The following CNTFR variants were observed in gnomAD, a reference collection of about 807,000 sequenced individuals.
The protein encoded by CNTFR is ciliary neurotrophic factor receptor subunit alpha.
Under a neutral mutation model 40.4 loss-of-function variants are expected in CNTFR, and 12 were observed. That is an observed-to-expected ratio of 0.30 (90% CI 0.19 to 0.48). The LOEUF (loss-of-function observed/expected upper bound fraction) is 0.48, where lower values mean the gene tolerates loss of function less well. Among genes scored for constraint, CNTFR ranks in the 20% least tolerant of loss-of-function variants. The probability of loss-of-function intolerance (pLI) is 0.99; values close to 1 mark genes in which losing one functional copy is unlikely to be tolerated. For synonymous variants in CNTFR, 202 were observed against 209.6 expected (o/e 0.96, Z 0.31); for missense variants, 414 against 506.8 (o/e 0.82, Z 1.76).
At chr9:34,570,443 G>A (rs1357337002) in intron 2 of CNTFR, among the ~76,000 whole-genome samples, 1 of 152,190 alleles carries the variant, frequency 6.6e-6, no homozygotes, top group African/African-American at 2.4e-5. Context: ...AGCCGTCGGC[G>A]ACAAAGCCAG....
chr9:34,568,475 C>T (rs563667038), intron 3 of CNTFR, among the ~76,000 whole-genome samples: 41 of 152,316 alleles, frequency 2.7e-4, no homozygotes, highest in African/African-American at 7.7e-4. Flanking sequence ...TCTCTGTCCC[C>T]ATCCTCCGTC....
Position 34,556,364 on chromosome 9 carries a change from C to T in CNTFR, c.659G>A (p.Arg220His), listed in dbSNP as rs1384961562. 8 of 1,613,838 alleles carry T rather than the reference C, an allele frequency of 5.0e-6. No homozygotes were observed. The Admixed American group carries it at 5.0e-5, about 10-fold the overall frequency. Residue 220 changes from arginine to histidine, a missense_variant, in exon 7 of 10, where the codon CGC becomes CAC. Arg to His is a conservative substitution (Grantham distance 29). Around this residue, in one of 3 missense-constraint regions of CNTFR, gnomAD observed 83 missense variants for 145.0 expected, o/e 0.57. Coordinates refer to ENST00000378980, the MANE Select transcript of CNTFR (RefSeq NM_147164.3). ...VVARPVPSNP[R>H]RLEVTWQTPS... ...GGTCTGCCACGTCACCTCCAGCCGG[C>T]GAGGGTTGCTGGGCACTGGCCGGGC...
Position 34,564,646 on chromosome 9 carries a change from T to C in CNTFR, c.272A>G (p.His91Arg). 6.2e-7 allele frequency: 1 copy of C among 1,612,594 alleles called. No homozygotes were observed. The highest frequency in any genetic ancestry group is 8.5e-7 in the Non-Finnish European group (1 of 1,179,600). Residue 91 changes from histidine to arginine, a missense_variant, in exon 4 of 10, where the codon CAC (histidine) becomes CGC (arginine). By Grantham distance (29) the His-to-Arg change is conservative. Around this residue, in one of 3 missense-constraint regions of CNTFR, gnomAD observed 250 missense variants for 269.5 expected, o/e 0.93. Transcript: ENST00000378980. ...GTGGCGCAGGTGCCAGGAGTCACGG[T>C]GGAAGCAGGCGTAGAGGCCACTGTG... ...LGHSGLYACF[H>R]RDSWHLRHQV...
intron 1 of CNTFR, among the ~76,000 whole-genome samples, chr9:34,585,499 G>A (rs1163152288): frequency 6.6e-6 from 1 of 152,158 alleles, no homozygotes. Context: ...CAGCCACAGG[G>A]TCTAACTCTT....
intron 2 of CNTFR, among the ~76,000 whole-genome samples, chr9:34,579,352 G>C (rs939553955): frequency 6.6e-6 from 1 of 152,046 alleles, no homozygotes; most frequent in Non-Finnish European, 1.5e-5. Flanking sequence ...ACGCTTTTCT[G>C]ACTTGGCAGC....
intron 4 of CNTFR, among the ~76,000 whole-genome samples, chr9:34,563,217 T>G (rs1402391171): frequency 6.6e-6 from 1 of 152,244 alleles, no homozygotes; most frequent in Non-Finnish European, 1.5e-5. Flanking sequence ...TTGCCCATAC[T>G]ATTAATACTT....
rs1355735832 is a variant in CNTFR, at chr9:34,557,229, G to A, written c.604+297C>T. 6.6e-6 allele frequency among the ~76,000 whole-genome samples: 1 copy of A among 152,118 alleles called. No individual in the cohort carries two copies. Among genetic ancestry groups the A allele is most frequent in the Non-Finnish European group, 1.5e-5 (1 of 68,000 alleles). On this transcript the variant is annotated intron_variant, in intron 6 of 9. Coordinates refer to ENST00000378980, the MANE Select transcript of CNTFR (RefSeq NM_147164.3). The surrounding 1 kb of genome is among the most constrained non-coding windows in gnomAD (Gnocchi z 4.2). The stretch of plus-strand genomic sequence containing the variant: ...CGGTGGAGGCTGCAGCTGCACAAGG[G>A]TCTGGCCCAGCCTGCCCCCCCTTCC...
chr9:34,583,964 A>G (rs7020310), intron 1 of CNTFR, among the ~76,000 whole-genome samples: 44,485 of 152,036 alleles, frequency 0.29, 6,755 homozygotes, highest in Non-Finnish European at 0.31. Context: ...CTACGCAAAG[A>G]CCTGGGATTT....
chr9:34,583,824 C>T (rs950359208), intron 1 of CNTFR, among the ~76,000 whole-genome samples: 2 of 152,166 alleles, frequency 1.3e-5, no homozygotes, highest in Admixed American at 6.5e-5. Context: ...CCCAGCCCCC[C>T]ATCCCGCAAT....
chr9:34,583,509 A>G (rs1374116248), intron 1 of CNTFR, among the ~76,000 whole-genome samples: 3 of 152,174 alleles, frequency 2.0e-5, no homozygotes, highest in Non-Finnish European at 4.4e-5. Context: ...AATCCCAGAC[A>G]GCCCGAATCT....
chr9:34,565,141 T>A (rs1826229647), intron 3 of CNTFR, among the ~76,000 whole-genome samples: 1 of 149,572 alleles, frequency 6.7e-6, no homozygotes, highest in South Asian at 2.1e-4. Flanking sequence ...CTGAGAGGGG[T>A]CAGTTCTCAG....
At chr9:34,582,634 C>G (rs935059574) in intron 1 of CNTFR, 1 of 151,810 alleles carries the variant, frequency 6.6e-6, no homozygotes, top group Admixed American at 6.6e-5. Flanking sequence ...GCAGAGACAC[C>G]ACCACCCAGG....
chr9:34,571,644 C>G (rs185990473), intron 2 of CNTFR, among the ~76,000 whole-genome samples: 1 of 152,068 alleles, frequency 6.6e-6, no homozygotes, highest in Admixed American at 6.5e-5. Flanking sequence ...CTCCATCAGC[C>G]TGATGAGTTA....
Position 34,558,620 on chromosome 9 carries a change from G to A in CNTFR, c.320-636C>T, listed in dbSNP as rs1289808530. 2.0e-5 allele frequency among the ~76,000 whole-genome samples: 3 copies of A among 152,164 alleles called. No individual in the cohort carries two copies. The East Asian group carries it at 5.8e-4, about 29-fold the overall frequency. On this transcript the variant is annotated intron_variant, in intron 4 of 9. Transcript: ENST00000378980. The stretch of plus-strand genomic sequence containing the variant: ...CAGGGATCCGTAGGAGCAGCTATGC[G>A]GATGTGTGTGAATCTGCATGTCTAT...
chr9:34,556,349 G>T lies in CNTFR; in HGVS notation c.674C>A (p.Thr225Lys), dbSNP rs773599964. ...VPSNPRRLEV[T>K]WQTPSTWPDP... ...AGGCCAGGTCGAGGGGGTCTGCCAC[G>T]TCACCTCCAGCCGGCGAGGGTTGCT... is the stretch of plus-strand genomic sequence containing the variant. Residue 225 changes from threonine (T) to lysine (K), a missense_variant, in exon 7 of 10, where the codon ACG becomes AAG. Physicochemically the swap from Thr to Lys is moderately conservative, Grantham distance 78. Transcript: ENST00000378980. 1 of 1,613,928 alleles carries T rather than the reference G, an allele frequency of 6.2e-7. No individual in the cohort carries two copies. The highest frequency in any genetic ancestry group is 8.5e-7 in the Non-Finnish European group (1 of 1,179,982).
At chr9:34,574,456 T>C (rs1272681698) in intron 2 of CNTFR, among the ~76,000 whole-genome samples, 3 of 152,184 alleles carry the variant, frequency 2.0e-5, no homozygotes, top group African/African-American at 7.2e-5. Context: ...CCTCCTGGGC[T>C]ACCATGTCCC....
intron 1 of CNTFR, 75 bp from the exon 2 acceptor site, chr9:34,581,280 TACTC>T (rs1262057193): frequency 2.0e-5 from 3 of 152,372 alleles, no homozygotes; most frequent in African/African-American, 7.2e-5. Context: ...GGCCATTCCA[TACTC>T]ACAGCCCCAC....
chr9:34,561,178 C>T (rs545411560), intron 4 of CNTFR, among the ~76,000 whole-genome samples: 2 of 152,288 alleles, frequency 1.3e-5, no homozygotes, highest in African/African-American at 2.4e-5. Flanking sequence ...CCAAATGCCC[C>T]GGCGACCTCC....
intron 2 of CNTFR, chr9:34,570,230 A>T (rs1013374408): frequency 2.6e-5 from 4 of 152,268 alleles, no homozygotes; most frequent in African/African-American, 4.8e-5. Context: ...ACAGCTCCAC[A>T]CACAGTGGAA....
Sources: allele counts gnomAD v4.1 joint callset (sites outside exome capture counted in the v4.1 genomes callset), GRCh38; gene constraint gnomAD v4.1.1; regional missense constraint gnomAD v4.1.1; non-coding constraint Gnocchi (gnomAD v3.1); transcripts MANE v1.5; gene names NCBI Gene and HGNC (gene_info 2026-07-23, HGNC 2026-07-21).